WDR11: variants seen among roughly 807,000 people sequenced by gnomAD.
WDR11 encodes the protein WD repeat domain 11.
A neutral mutation model predicts 151.2 loss-of-function variants in WDR11; 83 were observed. The ratio of observed to expected loss-of-function variants is 0.55; its 90% CI spans 0.46 to 0.66. The LOEUF (loss-of-function observed/expected upper bound fraction) is 0.66, where lower values mean the gene tolerates loss of function less well. Ranked by LOEUF, WDR11 falls within the 30% of genes least tolerant of loss-of-function variation. The pLI, the probability that WDR11 is intolerant of heterozygous loss-of-function variation, is 0.00. For synonymous variants in WDR11, 484 were observed against 533.1 expected, an observed-to-expected ratio of 0.91 and a Z score of 1.27; for missense variants, 1,301 against 1,480.9, an observed-to-expected ratio of 0.88 and a Z score of 1.99.
chr10:120,886,027 T>C, intron 15 of WDR11, 89 bp downstream of exon 15: 1 of 1,560,480 alleles, frequency 6.4e-7, no homozygotes, highest in Non-Finnish European at 8.7e-7. Flanking sequence ...GTGTCTATGG[T>C]AGCAAGTTGG....
intron 2 of WDR11, among the ~76,000 whole-genome samples, chr10:120,854,132 C>CT (rs951328101): frequency 2.0e-5 from 3 of 152,120 alleles, no homozygotes; most frequent in Admixed American, 2.0e-4. Context: ...TTACAATGAA[C>CT]TTTTTTACCT....
chr10:120,883,735 A>G (rs757462572), intron 13 of WDR11, 45 bp from the exon 14 acceptor site: 1 of 1,573,804 alleles, frequency 6.4e-7, no homozygotes, highest in Non-Finnish European at 8.7e-7. Context: ...TTCATGGTGA[A>G]ATTTTTGCAA....
chr10:120,887,964 A>G (rs187439473), intron 16 of WDR11, among the ~76,000 whole-genome samples: 1 of 152,182 alleles, frequency 6.6e-6, no homozygotes, highest in Admixed American at 6.5e-5. Context: ...CTTTATTATA[A>G]TATTGATTTT....
chr10:120,878,599 A>C, intron 12 of WDR11, 140 bp downstream of exon 12: 1 of 679,436 alleles, frequency 1.5e-6, no homozygotes. Context: ...TTATTCTCTA[A>C]TAATTGCCCT....
intron 12 of WDR11, 103 bp downstream of exon 12, chr10:120,878,562 A>G (rs1161172391): frequency 2.6e-5 from 22 of 846,968 alleles, no homozygotes; most frequent in Non-Finnish European, 4.2e-5. Flanking sequence ...ATTTTTTTTT[A>G]TATTTCATGC....
At chr10:120,906,513 AC>A (rs1848052016) in intron 27 of WDR11, 1 of 1,340,114 alleles carries the variant, frequency 7.5e-7, no homozygotes, top group Non-Finnish European at 9.6e-7. Context: ...GTACATGGGC[AC>A]TTGTCATATC....
Position 120,888,482 on chromosome 10 carries a change from A to G in WDR11, c.2122-596A>G, listed in dbSNP as rs532874031. ...TCCTTTCTTCCTCCAAGTTAGATTG[A>G]CTACAGCAGCATTTCATTCTTATGT... On this transcript the variant is annotated intron_variant, in intron 16 of 28. Transcript: ENST00000263461. 1.1e-4 allele frequency among the ~76,000 whole-genome samples: 16 copies of G among 152,360 alleles called. No homozygotes were observed. The South Asian group carries it at 3.3e-3, about 32-fold the overall frequency.
Position 120,871,231 on chromosome 10 carries a change from C to T in WDR11, c.1356C>T (p.Leu452=). Residue 452 remains leucine (L), a synonymous_variant, in exon 10 of 29, where the codon CTC becomes CTT. Coordinates refer to ENST00000263461, the MANE Select transcript of WDR11 (RefSeq NM_018117.12). ...GTTCAATTCTGCGGGAAGTGCACCT[C>T]AAGTTCCTGCTGACGGGACTGCTTT... ...PRGSILREVH[L]KFLLTGLLSG... is the part of the protein sequence containing the mutation. The T allele has an allele frequency of 1.9e-6, 3 of 1,614,170 alleles. No individual in the cohort carries two copies. Among genetic ancestry groups the T allele is most frequent in the Non-Finnish European group, 2.5e-6 (3 of 1,180,018 alleles).
chr10:120,897,415 ATTAC>A (rs201486151), intron 19 of WDR11, among the ~76,000 whole-genome samples: 1,992 of 152,328 alleles, frequency 0.013, 17 homozygotes, highest in Non-Finnish European at 0.018. Context: ...TCCTCCACAT[ATTAC>A]TTACTAATTA....
intron 2 of WDR11, among the ~76,000 whole-genome samples, chr10:120,853,432 A>AT (rs1428438627): frequency 1.3e-5 from 2 of 151,860 alleles, no homozygotes; most frequent in Non-Finnish European, 2.9e-5. Flanking sequence ...TGCCCAGCTA[A>AT]TTTTTTGTAT....
At position 120,851,471 on chromosome 10, in the gene WDR11, G is replaced by A. The variant is rs35692153; in HGVS notation, c.51G>A (p.Gly17=). 9.9e-6 allele frequency: 16 copies of A among 1,612,256 alleles called. No homozygotes were observed. Among genetic ancestry groups the A allele is most frequent in the Non-Finnish European group, 1.3e-5 (15 of 1,179,800 alleles). The part of the protein sequence containing the change: ...NFKVSARTLT[G]ALNAHNKAAV... ...AGGTGTCGGCGCGCACCCTCACGGG[G>A]GCCCTCAACGCCCACAACAAGGCGG... The change falls in exon 1 of 29, where the codon GGG becomes GGA. Residue 17 remains glycine, a synonymous_variant. Coordinates refer to ENST00000263461, the MANE Select transcript of WDR11 (RefSeq NM_018117.12).
At chr10:120,897,757 T>C (rs1847666613) in intron 19 of WDR11, among the ~76,000 whole-genome samples, 1 of 152,188 alleles carries the variant, frequency 6.6e-6, no homozygotes, top group Admixed American at 6.5e-5. Flanking sequence ...GACAATGCAG[T>C]GTACCAGCCT....
In WDR11 at chr10:120,889,094, T is replaced by G. The variant is rs375066630; in HGVS notation, c.2138T>G (p.Ile713Ser). The G allele has an allele frequency of 3.2e-5, 52 of 1,613,276 alleles. No homozygotes were observed. Among genetic ancestry groups the G allele is most frequent in the Non-Finnish European group, 4.2e-5 (50 of 1,179,414 alleles). ...RIPPDGSMGS[I>S]TCIAWKGDTL... ...GTTTTCTAGGGAAGTATGGGTAGTA[T>G]TACCTGCATCGCTTGGAAAGGTGAT... Residue 713 changes from isoleucine (I) to serine (S), a missense_variant, in exon 17 of 29, where the codon ATT becomes AGT. Coordinates refer to ENST00000263461, the MANE Select transcript of WDR11 (RefSeq NM_018117.12).
At chr10:120,905,514 G>A in intron 26 of WDR11, 98 bp downstream of exon 26, 2 of 1,294,694 alleles carry the variant, frequency 1.5e-6, no homozygotes, top group Admixed American at 1.7e-5. Flanking sequence ...TTTTTGGCCT[G>A]CAAAGCTGCT....
chr10:120,889,104 C>T lies in WDR11; in HGVS notation c.2148C>T (p.Ile716=), dbSNP rs751148257. 12 of 1,613,524 alleles carry T rather than the reference C, an allele frequency of 7.4e-6. No individual in the cohort carries two copies. In the Admixed American group the frequency reaches 1.5e-4, roughly 20 times the overall value. The change falls in exon 17 of 29, where the codon ATC becomes ATT. Residue 716 remains isoleucine (I), a synonymous_variant. Coordinates refer to ENST00000263461, the MANE Select transcript of WDR11 (RefSeq NM_018117.12). ...GAAGTATGGGTAGTATTACCTGCAT[C>T]GCTTGGAAAGGTGATACATTAGTGC... ...PDGSMGSITC[I]AWKGDTLVLG...
chr10:120,882,673 T>C (rs1847060180), intron 13 of WDR11, among the ~76,000 whole-genome samples: 1 of 152,030 alleles, frequency 6.6e-6, no homozygotes, highest in South Asian at 2.1e-4. Flanking sequence ...AATAAGCTTG[T>C]TCATCATGGA....
In WDR11 at chr10:120,886,060, G is replaced by A. The variant is rs1037263291; in HGVS notation, c.1973+122G>A. 1.9e-5 allele frequency: 24 copies of A among 1,287,442 alleles called. No homozygotes were observed. In the African/African-American group the frequency reaches 2.8e-4, roughly 15 times the overall value. 79.8% of individuals were successfully genotyped at this position (1,287,442 alleles called of 1,614,324 possible). A position where few individuals can be genotyped will look rare whatever the true frequency, so the allele number is the denominator to read the frequency against. On this transcript the variant is annotated intron_variant, in intron 15 of 28. Transcript: ENST00000263461. ...TGGACTCTGCTTTTGAACATACTTA[G>A]TTTCATCTTTCAGTACATACCCAGA...
At chr10:120,872,663 A>G (rs999740918) in intron 10 of WDR11, among the ~76,000 whole-genome samples, 2 of 152,150 alleles carry the variant, frequency 1.3e-5, no homozygotes, top group Non-Finnish European at 1.5e-5. Flanking sequence ...CCCCTAGTGC[A>G]TTAGATCATA....
At position 120,873,881 on chromosome 10, in the gene WDR11, G is replaced by T; in HGVS notation, c.1514G>T (p.Gly505Val). 1 of 1,613,468 alleles carries T rather than the reference G, an allele frequency of 6.2e-7. No individual in the cohort carries two copies. The highest frequency in any genetic ancestry group is 8.5e-7 in the Non-Finnish European group (1 of 1,179,560). The change falls in exon 11 of 29, where the codon GGT (glycine) becomes GTT (valine). Residue 505 changes from glycine (G) to valine (V), a missense_variant. Coordinates refer to ENST00000263461, the MANE Select transcript of WDR11 (RefSeq NM_018117.12). Reference protein sequence around the residue: ...GSVLVYHLTSGLLHKELSIHS... With the variant: ...GSVLVYHLTSVLLHKELSIHS... ...GTCCTGGTGTACCATCTCACCAGTG[G>T]TCTGCTACACAAAGAGTTAAGCATC...
Sources: allele counts gnomAD v4.1 joint callset (sites outside exome capture counted in the v4.1 genomes callset), GRCh38; gene constraint gnomAD v4.1.1; transcripts MANE v1.5; gene names NCBI Gene and HGNC (gene_info 2026-07-23, HGNC 2026-07-21).